Variants in LPP observed in about 807,000 individuals in gnomAD.
LPP encodes the protein LIM domain containing preferred translocation partner in lipoma.
LPP carries 38 observed loss-of-function variants against 60.4 expected under a neutral mutation model. The ratio of observed to expected loss-of-function variants is 0.63; its 90% confidence interval spans 0.49 to 0.83. The LOEUF (loss-of-function observed/expected upper bound fraction) is 0.83, where lower values mean the gene tolerates loss of function less well. Ranked by LOEUF, LPP falls within the 40% of genes least tolerant of loss-of-function variation. LPP has a pLI of 0.00. For missense variants in LPP, 902 were observed against 783.6 expected (o/e 1.15, Z -1.80); for synonymous variants, 328 against 290.8 (o/e 1.13, Z -1.30).
chr3:188,683,236 T>G (rs757193992), intron 7 of LPP, among the ~76,000 whole-genome samples: 45 of 151,898 alleles, frequency 3.0e-4, no homozygotes, highest in Non-Finnish European at 7.4e-5. Context: ...CTATACACAT[T>G]CTCAAGTTTA....
chr3:188,410,452 G>C (rs1311673421), intron 4 of LPP, among the ~76,000 whole-genome samples: 1 of 152,062 alleles, frequency 6.6e-6, no homozygotes, highest in Non-Finnish European at 1.5e-5. Flanking sequence ...TCTTTCTGGG[G>C]TACCCATATT....
intron 2 of LPP, among the ~76,000 whole-genome samples, chr3:188,309,872 A>G (rs1752825817): frequency 6.6e-6 from 1 of 152,216 alleles, no homozygotes; most frequent in Non-Finnish European, 1.5e-5. Context: ...TCACATCAGT[A>G]AAACATGGAG....
rs1451415105 is a variant in LPP at position 188,731,298 on chromosome 3, A to C, written c.1240+22905A>C. Among the ~76,000 whole-genome samples, 16 of 151,772 alleles carry C rather than the reference A, an allele frequency of 1.1e-4. No individual in the cohort carries two copies. In the East Asian group the frequency reaches 3.1e-3, roughly 29 times the overall value. On this transcript the variant is annotated intron_variant, in intron 8 of 11. Transcript: ENST00000617246. ...GGGGTAAAGGAAAGTTTGAGATTTC[A>C]CTCCACCTTTTTTTTTGGTGCTGGT...
intron 7 of LPP, among the ~76,000 whole-genome samples, chr3:188,696,639 A>G (rs1370705818): frequency 1.3e-5 from 2 of 152,216 alleles, no homozygotes; most frequent in East Asian, 3.8e-4. Flanking sequence ...TATTTTTGAA[A>G]TAACTAATAG....
chr3:188,524,968 TCTC>T (rs1187722866), intron 6 of LPP, among the ~76,000 whole-genome samples, 181 bp downstream of exon 6: 2 of 71,084 alleles, frequency 2.8e-5, no homozygotes, highest in African/African-American at 9.5e-5. Context: ...CTTCTTTCTT[TCTC>T]TTTTTTTTTT....
intron 4 of LPP, among the ~76,000 whole-genome samples, chr3:188,434,493 A>G (rs1194039771): frequency 4.6e-5 from 7 of 152,126 alleles, no homozygotes; most frequent in Non-Finnish European, 1.0e-4. Context: ...ATTTTACTAG[A>G]GTGGTGCCAG....
At chr3:188,626,177 AG>A (rs1846798042) in intron 7 of LPP, among the ~76,000 whole-genome samples, 1 of 152,190 alleles carries the variant, frequency 6.6e-6, no homozygotes, top group Admixed American at 6.6e-5. Context: ...ATATTCAAGT[AG>A]GCTGCATTCA....
At chr3:188,412,132 T>C (rs971833955) in intron 4 of LPP, among the ~76,000 whole-genome samples, 1 of 152,182 alleles carries the variant, frequency 6.6e-6, no homozygotes, top group Admixed American at 6.5e-5. Context: ...CTTTAATTTC[T>C]GAAATTCTTT....
chr3:188,702,243 A>G (rs976772815), intron 7 of LPP, among the ~76,000 whole-genome samples: 8 of 151,698 alleles, frequency 5.3e-5, no homozygotes, highest in African/African-American at 1.9e-4. Flanking sequence ...GGCGTAAGCC[A>G]CCACGCCCAG....
chr3:188,524,867 G>A lies in LPP; in HGVS notation c.429+80G>A, dbSNP rs1049739030. 3 of 1,426,584 alleles carry A rather than the reference G, an allele frequency of 2.1e-6. No individual in the cohort carries two copies. The African/African-American group carries it at 4.4e-5, about 21-fold the overall frequency. 88.4% of individuals were successfully genotyped at this position (1,426,584 alleles called of 1,614,324 possible). On this transcript the variant is annotated intron_variant, in intron 6 of 11. Transcript: ENST00000617246. The stretch of plus-strand genomic sequence containing the variant: ...ATCAGAAAGAACATGCTGCACCTGA[G>A]AGCTTATTTCCCCTTCCTTCCTTCC...
intron 6 of LPP, among the ~76,000 whole-genome samples, chr3:188,590,696 T>A (rs575404856): frequency 6.6e-6 from 1 of 152,286 alleles, no homozygotes; most frequent in Non-Finnish European, 1.5e-5. Flanking sequence ...TGGAGAATAC[T>A]AGAGAGTGGT....
At chr3:188,302,526 A>T (rs1702278170) in intron 2 of LPP, among the ~76,000 whole-genome samples, 1 of 152,208 alleles carries the variant, frequency 6.6e-6, no homozygotes. Flanking sequence ...GATTGCATTT[A>T]TGAACTTTAC....
rs1054517834 is a variant in LPP at position 188,887,165 on chromosome 3, G to A, written c.*12686G>A. On this transcript the variant is annotated 3_prime_UTR_variant, in exon 12 of 12. Transcript: ENST00000617246. Reference sequence around the variant, plus strand: ...AAGAGAGTAAATATGAAGTCTGAATGTCGTTCCTCACCCCCAAATTGTTTA... The same window carrying A: ...AAGAGAGTAAATATGAAGTCTGAATATCGTTCCTCACCCCCAAATTGTTTA... 2 of 226,696 alleles carry A rather than the reference G, an allele frequency of 8.8e-6. No homozygotes were observed. Among genetic ancestry groups the A allele is most frequent in the African/African-American group, 4.4e-5 (2 of 44,984 alleles). 14.0% of individuals were successfully genotyped at this position (226,696 alleles called of 1,614,324 possible). A position where few individuals can be genotyped will look rare whatever the true frequency, so the allele number is the denominator to read the frequency against.
intron 5 of LPP, 151 bp downstream of exon 5, chr3:188,484,855 A>T (rs1291909001): frequency 1.7e-6 from 1 of 579,140 alleles, no homozygotes; most frequent in East Asian, 2.8e-5. Context: ...ACTTATGAAG[A>T]TCTAAGGTAC....
At chr3:188,188,384 A>G (rs1727198584) in intron 1 of LPP, among the ~76,000 whole-genome samples, 1 of 152,192 alleles carries the variant, frequency 6.6e-6, no homozygotes, top group South Asian at 2.1e-4. Flanking sequence ...CTGCCTAGTA[A>G]TTCACTGAGT....
intron 2 of LPP, among the ~76,000 whole-genome samples, chr3:188,245,822 G>T (rs1200026041): frequency 6.6e-6 from 1 of 152,002 alleles, no homozygotes; most frequent in Non-Finnish European, 1.5e-5. Flanking sequence ...GATTATAGGT[G>T]TGAGACACCA....
At chr3:188,448,272 C>T (rs1377078836) in intron 4 of LPP, among the ~76,000 whole-genome samples, 4 of 138,262 alleles carry the variant, frequency 2.9e-5, no homozygotes, top group Admixed American at 7.3e-5. Context: ...AGTTTTCCTT[C>T]ACCCCGTCTT....
At chr3:188,257,851 A>C (rs1291620925) in intron 2 of LPP, among the ~76,000 whole-genome samples, 1 of 152,258 alleles carries the variant, frequency 6.6e-6, no homozygotes, top group Non-Finnish European at 1.5e-5. Context: ...CTTAAGTTCA[A>C]TTAGAAAGTG....
At chr3:188,861,655 C>T (rs569309295) in intron 9 of LPP, among the ~76,000 whole-genome samples, 1 of 152,122 alleles carries the variant, frequency 6.6e-6, no homozygotes, top group Admixed American at 6.5e-5. Flanking sequence ...AGCTCTTCTG[C>T]CTGTGAGTTA....
Sources: allele counts gnomAD v4.1 joint callset (sites outside exome capture counted in the v4.1 genomes callset), GRCh38; gene constraint gnomAD v4.1.1; transcripts MANE v1.5; gene names NCBI Gene and HGNC (gene_info 2026-07-23, HGNC 2026-07-21).